The following PKD2 variants were observed in gnomAD, a reference collection of about 807,000 sequenced individuals.
PKD2 encodes the protein polycystin-2.
A neutral mutation model predicts 105.9 loss-of-function variants in PKD2; 48 were observed. The observed-to-expected ratio is 0.45, with a 90% CI of 0.36 to 0.58. The LOEUF (loss-of-function observed/expected upper bound fraction) is 0.58. Among genes scored for constraint, PKD2 ranks in the 20% least tolerant of loss-of-function variants. The pLI is 0.00. For synonymous variants in PKD2, 464 were observed against 481.1 expected, an observed-to-expected ratio of 0.96 and a Z score of 0.46; for missense variants, 1,078 against 1,255.3, an observed-to-expected ratio of 0.86 and a Z score of 2.13.
chr4:88,071,658 A>C (rs974670135), intron 13 of PKD2, among the ~76,000 whole-genome samples: 8 of 151,008 alleles, frequency 5.3e-5, no homozygotes, highest in African/African-American at 1.9e-4. Flanking sequence ...ACTTGTTTTT[A>C]TTTCTCTTTG....
At chr4:88,039,142 G>C (rs1727456607) in intron 4 of PKD2, among the ~76,000 whole-genome samples, 1 of 152,130 alleles carries the variant, frequency 6.6e-6, no homozygotes, top group Admixed American at 6.6e-5. Flanking sequence ...CCGTTTCAGG[G>C]TGGGCCTTTG....
At chr4:88,055,929 G>A in intron 7 of PKD2, 157 bp from the exon 8 acceptor site, 2 of 649,700 alleles carry the variant, frequency 3.1e-6, no homozygotes, top group Non-Finnish European at 5.5e-6. Context: ...GTCCTTTTGT[G>A]TCAGGCTTAT....
chr4:88,016,060 T>C (rs1342184197), intron 1 of PKD2, among the ~76,000 whole-genome samples: 1 of 152,168 alleles, frequency 6.6e-6, no homozygotes, highest in African/African-American at 2.4e-5. Flanking sequence ...ACATGCGCAG[T>C]TCACAATAGG....
chr4:88,041,886 G>A (rs1431327113), intron 4 of PKD2, among the ~76,000 whole-genome samples: 1 of 152,166 alleles, frequency 6.6e-6, no homozygotes, highest in African/African-American at 2.4e-5. Context: ...GGCCTGCTGT[G>A]TTAACTCTTT....
chr4:88,042,314 A>G (rs760697894), intron 4 of PKD2, among the ~76,000 whole-genome samples: 3 of 152,204 alleles, frequency 2.0e-5, no homozygotes, highest in Non-Finnish European at 4.4e-5. Flanking sequence ...TGCAGGGAAA[A>G]TCCCACTTAT....
intron 3 of PKD2, 89 bp downstream of exon 3, chr4:88,036,442 C>T: frequency 6.3e-7 from 1 of 1,591,348 alleles, no homozygotes; most frequent in Non-Finnish European, 8.5e-7. Flanking sequence ...ATCGACAGGA[C>T]CTGCTTTGCA....
chr4:88,062,460 G>A (rs962363381), intron 10 of PKD2, among the ~76,000 whole-genome samples: 1 of 152,186 alleles, frequency 6.6e-6, no homozygotes, highest in African/African-American at 2.4e-5. Context: ...GACCTTCCAC[G>A]GCAGTTTTAA....
At position 88,043,284 on chromosome 4, in the gene PKD2, C is replaced by G. The variant is rs1351905972; in HGVS notation, c.1146C>G (p.Ile382Met). ...KDLNGSSHWG[I>M]IATYSGAGYY... ...TGAATGGTAGTAGCCACTGGGGAAT[C>G]ATTGCAACTTATAGTGGAGCTGGCT... Residue 382 changes from isoleucine to methionine, a missense_variant, in exon 5 of 15, where the codon ATC becomes ATG. Transcript: ENST00000237596. 1 of 1,613,502 alleles carries G rather than the reference C, an allele frequency of 6.2e-7. No individual in the cohort carries two copies.
chr4:88,016,309 A>G (rs1232035839), intron 1 of PKD2, among the ~76,000 whole-genome samples: 1 of 152,216 alleles, frequency 6.6e-6, no homozygotes, highest in Non-Finnish European at 1.5e-5. Context: ...CTATACTCTC[A>G]GTCCGTGTTC....
intron 13 of PKD2, among the ~76,000 whole-genome samples, chr4:88,070,814 T>G (rs989904282): frequency 6.6e-6 from 1 of 151,540 alleles, no homozygotes; most frequent in South Asian, 2.1e-4. Flanking sequence ...AAAAAAAAAT[T>G]TGTAGAGATG....
At chr4:88,018,984 G>A (rs1196072526) in intron 1 of PKD2, among the ~76,000 whole-genome samples, 2 of 152,084 alleles carry the variant, frequency 1.3e-5, no homozygotes, top group African/African-American at 4.8e-5. Flanking sequence ...CTCCAACAAG[G>A]ACTTCTTTTC....
intron 2 of PKD2, among the ~76,000 whole-genome samples, chr4:88,034,362 C>A (rs1727259972): frequency 6.6e-6 from 1 of 151,930 alleles, no homozygotes; most frequent in South Asian, 2.1e-4. Flanking sequence ...TCTTAATTTC[C>A]TATGATGCTT....
In PKD2 at chr4:88,008,964, A is replaced by G. The variant is rs535012591; in HGVS notation, c.595+636A>G. ...GTTATTTGGCCGTTTCTAATTCTAG[A>G]CATTTTTCTAAAAACAGTTGCAAAG... On this transcript the variant is annotated intron_variant, in intron 1 of 14. Transcript: ENST00000237596. Among the ~76,000 whole-genome samples, 6 of 152,332 alleles carry G rather than the reference A, an allele frequency of 3.9e-5. No homozygotes were observed. The South Asian group carries it at 1.0e-3, about 26-fold the overall frequency.
chr4:88,066,724 A>G (rs1005475121), intron 12 of PKD2, among the ~76,000 whole-genome samples: 1 of 151,982 alleles, frequency 6.6e-6, no homozygotes. Flanking sequence ...ATAGTTAAAA[A>G]TAAACATAAG....
rs544421271 is a variant in PKD2, at chr4:88,076,277, A to G, written c.*583A>G. 1.3e-5 allele frequency: 2 copies of G among 154,840 alleles called. No homozygotes were observed. The highest frequency in any genetic ancestry group is 1.9e-4 in the East Asian group (1 of 5,218). The allele number at this position is 154,840 out of a possible 1,614,324, so 9.6% of individuals were successfully genotyped here. ...ATGGTTAAGATGAATGTTAAATACT[A>G]TGCTTTTTTGTAAGTTGATCGTATC... On this transcript the variant is annotated 3_prime_UTR_variant, in exon 15 of 15. Coordinates refer to ENST00000237596, the MANE Select transcript of PKD2 (RefSeq NM_000297.4).
Position 88,036,247 on chromosome 4 carries a change from T to G in PKD2, c.737T>G (p.Val246Gly). 1 of 1,613,846 alleles carries G rather than the reference T, an allele frequency of 6.2e-7. No homozygotes were observed. The highest frequency in any genetic ancestry group is 8.5e-7 in the Non-Finnish European group (1 of 1,179,756). Residue 246 changes from valine (V) to glycine (G), a missense_variant, in exon 3 of 15, where the codon GTG becomes GGG. Around this residue, in one of 2 missense-constraint regions of PKD2, gnomAD observed 868 missense variants for 1,067.3 expected, o/e 0.81. Transcript: ENST00000237596. ...ILTYGMMSSN[V>G]YYYTRMMSQL... The stretch of plus-strand genomic sequence containing the variant: ...ACCTACGGCATGATGAGCTCCAATG[T>G]GTACTACTACACCCGGATGATGTCA...
chr4:88,007,652 G>C lies in PKD2; in HGVS notation c.-82G>C, dbSNP rs529779778. The stretch of plus-strand genomic sequence containing the variant: ...CGGGGAGCAGGCGGCGGCGGGCGCC[G>C]GGAAGAAAGGAACATGGCTCCTGAG... On this transcript the variant is annotated 5_prime_UTR_variant, in exon 1 of 15. Transcript: ENST00000237596. 0.021 allele frequency: 19,913 copies of C among 941,466 alleles called. 267 individuals carry two copies. The highest frequency in any genetic ancestry group is 0.047 in the South Asian group (1,047 of 22,380). 58.3% of individuals were successfully genotyped at this position (941,466 alleles called of 1,614,324 possible).
intron 2 of PKD2, among the ~76,000 whole-genome samples, chr4:88,023,344 G>A (rs148116169): frequency 1.3e-4 from 20 of 152,174 alleles, no homozygotes; most frequent in Admixed American, 3.9e-4. Context: ...TGACCAGATC[G>A]CATGAGAAAT....
At chr4:88,027,383 G>C (rs1726995004) in intron 2 of PKD2, among the ~76,000 whole-genome samples, 1 of 152,156 alleles carries the variant, frequency 6.6e-6, no homozygotes. Context: ...GACTTGAATG[G>C]GGCCTGTGAC....
Sources: allele counts gnomAD v4.1 joint callset (sites outside exome capture counted in the v4.1 genomes callset), GRCh38; gene constraint gnomAD v4.1.1; regional missense constraint gnomAD v4.1.1; transcripts MANE v1.5; gene names NCBI Gene and HGNC (gene_info 2026-07-23, HGNC 2026-07-21).